SMYD3: variants seen among roughly 807,000 people sequenced by gnomAD.
SMYD3 encodes SET and MYND domain containing 3.
Under a neutral mutation model 57.7 loss-of-function variants are expected in SMYD3, and 36 were observed. The ratio of observed to expected loss-of-function variants is 0.62; its 90% CI spans 0.48 to 0.82. The LOEUF is 0.82. Ranked by LOEUF, SMYD3 falls within the 40% of genes least tolerant of loss-of-function variation. SMYD3 has a pLI of 0.00. For synonymous variants in SMYD3, 211 were observed against 195.0 expected (o/e 1.08, Z -0.68); for missense variants, 515 against 538.8 (o/e 0.96, Z 0.44).
chr1:246,292,147 C>T (rs1367325250), intron 5 of SMYD3, among the ~76,000 whole-genome samples: 1 of 151,000 alleles, frequency 6.6e-6, no homozygotes, highest in Non-Finnish European at 1.5e-5. Context: ...GCATCTTAGA[C>T]TTACTATCCA....
intron 1 of SMYD3, among the ~76,000 whole-genome samples, chr1:246,498,819 G>A (rs1265175148): frequency 1.3e-5 from 2 of 151,308 alleles, no homozygotes; most frequent in Non-Finnish European, 2.9e-5. Flanking sequence ...CGGTCTGAAT[G>A]CTTATACCCC....
At chr1:246,194,480 G>T (rs191096551) in intron 5 of SMYD3, among the ~76,000 whole-genome samples, 20 of 152,206 alleles carry the variant, frequency 1.3e-4, no homozygotes, top group Admixed American at 1.2e-3. Context: ...TATCGGCCAG[G>T]CTGGTCTCGA....
chr1:245,806,517 C>T (rs1271688243), intron 10 of SMYD3, among the ~76,000 whole-genome samples: 1 of 152,178 alleles, frequency 6.6e-6, no homozygotes, highest in Non-Finnish European at 1.5e-5. Context: ...TACCTGAACC[C>T]TTCCTTGCTA....
chr1:246,149,427 T>C (rs1338533244), intron 5 of SMYD3, among the ~76,000 whole-genome samples: 1 of 152,192 alleles, frequency 6.6e-6, no homozygotes, highest in East Asian at 1.9e-4. Flanking sequence ...GTTTTGTCTT[T>C]ATTAATATGT....
At chr1:246,449,892 G>A (rs1315964087) in intron 1 of SMYD3, among the ~76,000 whole-genome samples, 1 of 152,128 alleles carries the variant, frequency 6.6e-6, no homozygotes, top group Non-Finnish European at 1.5e-5. Context: ...TGGGAGTATA[G>A]AGCCAAGTCC....
At chr1:246,171,503 A>G (rs890653618) in intron 5 of SMYD3, among the ~76,000 whole-genome samples, 1 of 152,192 alleles carries the variant, frequency 6.6e-6, no homozygotes, top group South Asian at 2.1e-4. Context: ...ATTCATTGTT[A>G]GGTGATTTTG....
At chr1:245,971,236 G>A (rs984807053) in intron 5 of SMYD3, among the ~76,000 whole-genome samples, 1 of 152,192 alleles carries the variant, frequency 6.6e-6, no homozygotes, top group Non-Finnish European at 1.5e-5. Flanking sequence ...TCTTAAGTGG[G>A]AGTTGCACAA....
At chr1:246,255,320 AT>A (rs1476180364) in intron 5 of SMYD3, among the ~76,000 whole-genome samples, 1 of 148,058 alleles carries the variant, frequency 6.8e-6, no homozygotes, top group African/African-American at 2.5e-5. Context: ...GGATCTTATT[AT>A]AATAATAATT....
At chr1:246,470,371 G>A (rs964762631) in intron 1 of SMYD3, among the ~76,000 whole-genome samples, 3 of 151,636 alleles carry the variant, frequency 2.0e-5, no homozygotes, top group Non-Finnish European at 2.9e-5. Flanking sequence ...TGGCACACAC[G>A]TGTAATCCCA....
intron 5 of SMYD3, among the ~76,000 whole-genome samples, chr1:246,312,285 GT>G (rs1463041899): frequency 6.6e-6 from 1 of 151,866 alleles, no homozygotes; most frequent in East Asian, 1.9e-4. Context: ...TCAAATCTGG[GT>G]TTTTTTTCAA....
chr1:245,945,728 T>C (rs1406769729), intron 5 of SMYD3, among the ~76,000 whole-genome samples: 3 of 152,116 alleles, frequency 2.0e-5, no homozygotes, highest in Non-Finnish European at 1.5e-5. Flanking sequence ...CCATCAATAA[T>C]AGACTGGATA....
At chr1:246,446,875 A>G (rs2067557477) in intron 1 of SMYD3, among the ~76,000 whole-genome samples, 1 of 152,110 alleles carries the variant, frequency 6.6e-6, no homozygotes, top group South Asian at 2.1e-4. Flanking sequence ...TAAAGATACA[A>G]AAAATTAGCC....
chr1:245,938,569 G>A (rs2057080017), intron 5 of SMYD3, among the ~76,000 whole-genome samples: 2 of 152,184 alleles, frequency 1.3e-5, no homozygotes, highest in East Asian at 1.9e-4. Context: ...AATAAAAGAG[G>A]AAATTTATCA....
At chr1:246,063,503 G>A (rs1406223192) in intron 5 of SMYD3, among the ~76,000 whole-genome samples, 2 of 151,860 alleles carry the variant, frequency 1.3e-5, no homozygotes, top group Admixed American at 1.3e-4. Context: ...GTCAGCCAAG[G>A]GCCAAACTTG....
chr1:246,214,572 A>G (rs1262959714), intron 5 of SMYD3, among the ~76,000 whole-genome samples: 1 of 152,232 alleles, frequency 6.6e-6, no homozygotes, highest in Non-Finnish European at 1.5e-5. Flanking sequence ...AGCATGCCAA[A>G]GTAAGTAAAT....
At chr1:245,804,050 C>T (rs2048013982) in intron 10 of SMYD3, among the ~76,000 whole-genome samples, 1 of 151,562 alleles carries the variant, frequency 6.6e-6, no homozygotes, top group Non-Finnish European at 1.5e-5. Flanking sequence ...GCAGCTGGGA[C>T]CACAGGCGCC....
intron 5 of SMYD3, among the ~76,000 whole-genome samples, chr1:246,033,688 G>A (rs1178510244): frequency 6.6e-6 from 1 of 152,182 alleles, no homozygotes; most frequent in Non-Finnish European, 1.5e-5. Flanking sequence ...TCGTGAGGCT[G>A]AGGCACGAGA....
intron 5 of SMYD3, among the ~76,000 whole-genome samples, chr1:246,019,048 C>G (rs979602646): frequency 1.3e-5 from 2 of 152,064 alleles, no homozygotes; most frequent in South Asian, 2.1e-4. Flanking sequence ...ATTTAGAAAG[C>G]CTGAACCCCT....
At chr1:246,458,613 A>ATTTTTT (rs74163446) in intron 1 of SMYD3, among the ~76,000 whole-genome samples, 40 of 46,868 alleles carry the variant, frequency 8.5e-4, no homozygotes, top group East Asian at 3.3e-3. Flanking sequence ...CGCCTGGCTG[A>ATTTTTT]TTTTTTTTTT....
Sources: allele counts gnomAD v4.1 joint callset (sites outside exome capture counted in the v4.1 genomes callset), GRCh38; gene constraint gnomAD v4.1.1; transcripts MANE v1.5; gene names NCBI Gene and HGNC (gene_info 2026-07-23, HGNC 2026-07-21).